Variants in ZFHX3 observed in about 807,000 individuals in gnomAD.
ZFHX3 encodes the protein zinc finger homeobox 3.
A neutral mutation model predicts 279.1 loss-of-function variants in ZFHX3; 42 were observed. The observed-to-expected ratio is 0.15, with a 90% CI of 0.12 to 0.19. The LOEUF is 0.19. Among genes scored for constraint, ZFHX3 ranks in the 10% least tolerant of loss-of-function variants. The probability of loss-of-function intolerance (pLI) is 1.00; values close to 1 mark genes in which losing one functional copy is unlikely to be tolerated. For synonymous variants in ZFHX3, 2,293 were observed against 1,957.8 expected (o/e 1.17, Z -4.52); for missense variants, 4,981 against 4,754.0 (o/e 1.05, Z -1.40).
intron 2 of ZFHX3, among the ~76,000 whole-genome samples, chr16:72,953,409 C>G (rs1168313809): frequency 2.0e-5 from 3 of 152,114 alleles, no homozygotes; most frequent in African/African-American, 4.8e-5. Flanking sequence ...GAGGGTAAGA[C>G]AAGGAGCAAA....
At chr16:73,033,960 C>T (rs1374525448) in intron 1 of ZFHX3, among the ~76,000 whole-genome samples, 1 of 152,204 alleles carries the variant, frequency 6.6e-6, no homozygotes, top group Non-Finnish European at 1.5e-5. Flanking sequence ...GTACATTTCA[C>T]AGTGGCGCTT....
chr16:73,891,110 A>C (rs1336448255), intron 1 of ZFHX3, among the ~76,000 whole-genome samples: 1 of 148,884 alleles, frequency 6.7e-6, no homozygotes, highest in Non-Finnish European at 1.5e-5. Context: ...CTCTGCCCTC[A>C]CACCTCTGCC....
chr16:73,143,857 A>G (rs1380843096), intron 5 of ZFHX3: 1 of 1,175,218 alleles, frequency 8.5e-7, no homozygotes. Context: ...AAGGACAAAA[A>G]CACGGTTGGG....
intron 1 of ZFHX3, chr16:73,815,914 A>G (rs1960557922): frequency 6.6e-6 from 1 of 151,892 alleles, no homozygotes; most frequent in African/African-American, 2.4e-5. Context: ...ATTTCTTCCA[A>G]GACACTACGA....
At chr16:73,610,654 T>C (rs1415083183) in intron 2 of ZFHX3, among the ~76,000 whole-genome samples, 1 of 152,238 alleles carries the variant, frequency 6.6e-6, no homozygotes, top group Admixed American at 6.5e-5. Context: ...GTTTAGAGTA[T>C]GATTAAATTA....
intron 6 of ZFHX3, among the ~76,000 whole-genome samples, chr16:73,139,619 T>C (rs1966841138): frequency 6.6e-6 from 1 of 152,230 alleles, no homozygotes; most frequent in African/African-American, 2.4e-5. Context: ...AGGCATTGAA[T>C]CCTGGGAAAG....
intron 1 of ZFHX3, among the ~76,000 whole-genome samples, chr16:73,681,088 G>A (rs1319144810): frequency 1.3e-5 from 2 of 152,186 alleles, no homozygotes; most frequent in Non-Finnish European, 2.9e-5. Context: ...TTGTGGGAGA[G>A]AATAACCTAT....
At chr16:72,881,555 A>G (rs1332215578) in intron 4 of ZFHX3, among the ~76,000 whole-genome samples, 2 of 152,234 alleles carry the variant, frequency 1.3e-5, no homozygotes, top group African/African-American at 4.8e-5. Context: ...CAAGTTTCAT[A>G]TAGGATGTAA....
chr16:73,302,612 C>T (rs1416006086), intron 4 of ZFHX3, among the ~76,000 whole-genome samples: 1 of 152,258 alleles, frequency 6.6e-6, no homozygotes, highest in Admixed American at 6.5e-5. Flanking sequence ...TGATAACCTC[C>T]AGTTGGCCTG....
At chr16:73,119,625 T>C (rs1323936811) in intron 7 of ZFHX3, among the ~76,000 whole-genome samples, 1 of 152,216 alleles carries the variant, frequency 6.6e-6, no homozygotes, top group East Asian at 1.9e-4. Flanking sequence ...GCATCCTTAC[T>C]GAGATCTGTT....
chr16:73,289,745 T>C (rs2014720797), intron 4 of ZFHX3, among the ~76,000 whole-genome samples: 1 of 152,012 alleles, frequency 6.6e-6, no homozygotes, highest in Non-Finnish European at 1.5e-5. Context: ...CCATTTACCA[T>C]TCTGGTGAGC....
intron 4 of ZFHX3, among the ~76,000 whole-genome samples, chr16:73,276,267 T>G (rs1366274694): frequency 2.0e-5 from 3 of 148,818 alleles, no homozygotes; most frequent in Non-Finnish European, 4.5e-5. Context: ...CACTGCAACC[T>G]CCACCTCCCG....
At chr16:73,303,737 C>T (rs375329980) in intron 4 of ZFHX3, among the ~76,000 whole-genome samples, 1 of 150,108 alleles carries the variant, frequency 6.7e-6, no homozygotes, top group Non-Finnish European at 1.5e-5. Flanking sequence ...CCATCTCATT[C>T]CCTTATATAC....
intron 2 of ZFHX3, among the ~76,000 whole-genome samples, chr16:73,605,526 G>A (rs2052168355): frequency 6.6e-6 from 1 of 152,146 alleles, no homozygotes; most frequent in East Asian, 1.9e-4. Flanking sequence ...GTTTGTCTGG[G>A]TAAGTTAAAT....
intron 4 of ZFHX3, among the ~76,000 whole-genome samples, chr16:73,285,765 C>T (rs1416195913): frequency 2.0e-5 from 3 of 152,194 alleles, no homozygotes; most frequent in African/African-American, 7.2e-5. Context: ...ACAGCAGGCT[C>T]TGGGGAAATA....
chr16:73,216,972 T>G (rs757796999), intron 5 of ZFHX3, among the ~76,000 whole-genome samples: 9 of 152,200 alleles, frequency 5.9e-5, no homozygotes, highest in Admixed American at 2.0e-4. Flanking sequence ...CGTGGTCCAC[T>G]TAAGTTCTCC....
chr16:73,041,772 A>C (rs746692413), intron 1 of ZFHX3, among the ~76,000 whole-genome samples: 3 of 152,194 alleles, frequency 2.0e-5, no homozygotes, highest in Non-Finnish European at 4.4e-5. Flanking sequence ...AAAAAAGCGG[A>C]GCTGTTAAAA....
At chr16:73,137,905 TG>T (rs1331875054) in intron 6 of ZFHX3, among the ~76,000 whole-genome samples, 1 of 151,654 alleles carries the variant, frequency 6.6e-6, no homozygotes, top group Admixed American at 6.6e-5. Flanking sequence ...TATTGGGGGG[TG>T]GGGGAATATC....
chr16:73,712,212 C>A (rs553831140), intron 1 of ZFHX3, among the ~76,000 whole-genome samples: 1 of 151,602 alleles, frequency 6.6e-6, no homozygotes. Context: ...CTCAACAAAC[C>A]AGCTGCAGTT....
Sources: allele counts gnomAD v4.1 joint callset (sites outside exome capture counted in the v4.1 genomes callset), GRCh38; gene constraint gnomAD v4.1.1; transcripts MANE v1.5; gene names NCBI Gene and HGNC (gene_info 2026-07-23, HGNC 2026-07-21).